The following SLC25A31 variants were observed in gnomAD, a reference collection of about 807,000 sequenced individuals.
The protein encoded by SLC25A31 is ADP/ATP translocase 4.
Under a neutral mutation model 36.2 loss-of-function variants are expected in SLC25A31, and 40 were observed. The ratio of observed to expected loss-of-function variants is 1.10; its 90% CI spans 0.86 to 1.44. The LOEUF is 1.44. Among genes scored for constraint, SLC25A31 ranks in the 40% most tolerant of loss-of-function variants. SLC25A31 has a pLI of 0.00. For missense variants in SLC25A31, 350 were observed against 397.1 expected (o/e 0.88, Z 1.01); for synonymous variants, 143 against 149.7 (o/e 0.96, Z 0.32).
intron 2 of SLC25A31, among the ~76,000 whole-genome samples, chr4:127,753,452 A>G (rs1731973730): frequency 6.6e-6 from 1 of 152,154 alleles, no homozygotes; most frequent in Admixed American, 6.5e-5. Flanking sequence ...TAAGTCTCAT[A>G]TAAATCAGAA....
intron 2 of SLC25A31, among the ~76,000 whole-genome samples, chr4:127,756,547 T>A (rs1377279987): frequency 6.6e-6 from 1 of 152,166 alleles, no homozygotes; most frequent in Non-Finnish European, 1.5e-5. Flanking sequence ...TTAATAATAA[T>A]GTATATTTCA....
intron 2 of SLC25A31, among the ~76,000 whole-genome samples, chr4:127,756,640 C>G (rs1404429639): frequency 6.6e-6 from 1 of 152,056 alleles, no homozygotes; most frequent in Non-Finnish European, 1.5e-5. Context: ...CTTGGCCACT[C>G]AACAATATAA....
At chr4:127,758,729 T>C (rs1333644359) in intron 2 of SLC25A31, among the ~76,000 whole-genome samples, 1 of 152,224 alleles carries the variant, frequency 6.6e-6, no homozygotes, top group Non-Finnish European at 1.5e-5. Flanking sequence ...GAATAGGGTG[T>C]CCTTTTCTTA....
chr4:127,770,785 G>A (rs571032207), intron 5 of SLC25A31, among the ~76,000 whole-genome samples: 1 of 151,974 alleles, frequency 6.6e-6, no homozygotes, highest in South Asian at 2.1e-4. Flanking sequence ...CCACAAAAGT[G>A]GTTTGCTTAA....
intron 5 of SLC25A31, among the ~76,000 whole-genome samples, chr4:127,772,824 T>A (rs1440340371): frequency 4.6e-5 from 7 of 150,914 alleles, no homozygotes; most frequent in African/African-American, 1.7e-4. Context: ...CCCTGTCACT[T>A]AGGCTAGAGT....
chr4:127,768,713 G>A, intron 4 of SLC25A31, 39 bp from the exon 5 acceptor site: 1 of 1,521,784 alleles, frequency 6.6e-7, no homozygotes, highest in Non-Finnish European at 8.8e-7. Flanking sequence ...AGATATTTTA[G>A]AAATTTGGAT....
intron 1 of SLC25A31, among the ~76,000 whole-genome samples, chr4:127,735,953 G>A (rs1250146759): frequency 2.1e-5 from 3 of 143,126 alleles, no homozygotes; most frequent in African/African-American, 5.1e-5. Context: ...GCAGTGGCGC[G>A]ATCTCGGCTC....
chr4:127,744,640 A>G (rs749576634), intron 1 of SLC25A31, 32 bp from the exon 2 acceptor site: 1 of 1,560,276 alleles, frequency 6.4e-7, no homozygotes, highest in South Asian at 1.2e-5. Flanking sequence ...AATACAATGT[A>G]GGTTTATGTA....
chr4:127,754,444 G>A (rs1731992410), intron 2 of SLC25A31, among the ~76,000 whole-genome samples: 1 of 151,512 alleles, frequency 6.6e-6, no homozygotes, highest in Non-Finnish European at 1.5e-5. Flanking sequence ...TAAAGTCACA[G>A]GATACAAAAT....
chr4:127,734,267 A>AT (rs954212746), intron 1 of SLC25A31, among the ~76,000 whole-genome samples: 3 of 152,156 alleles, frequency 2.0e-5, no homozygotes, highest in African/African-American at 7.2e-5. Flanking sequence ...TAGCCTTTTA[A>AT]AGAACTGATT....
At chr4:127,735,896 A>ATTTT (rs70966054) in intron 1 of SLC25A31, among the ~76,000 whole-genome samples, 1,175 of 74,582 alleles carry the variant, frequency 0.016, 28 homozygotes, top group Middle Eastern at 0.037. Context: ...TTATTTATTT[A>ATTTT]TTTTTTTTTT....
intron 5 of SLC25A31, among the ~76,000 whole-genome samples, chr4:127,771,046 TC>T (rs1732350218): frequency 7.0e-6 from 1 of 142,880 alleles, no homozygotes; most frequent in Non-Finnish European, 1.5e-5. Flanking sequence ...AACCTCTGCC[TC>T]CCAGGTTCTA....
At chr4:127,771,737 T>G (rs922809992) in intron 5 of SLC25A31, among the ~76,000 whole-genome samples, 2 of 151,888 alleles carry the variant, frequency 1.3e-5, no homozygotes, top group African/African-American at 2.4e-5. Flanking sequence ...ACTGTGGGGG[T>G]TTTTTGTCAT....
chr4:127,761,622 C>A (rs1008515787), intron 2 of SLC25A31, among the ~76,000 whole-genome samples: 1 of 152,008 alleles, frequency 6.6e-6, no homozygotes, highest in African/African-American at 2.4e-5. Flanking sequence ...TTTTCTTATT[C>A]CTTTAAATTC....
At chr4:127,768,641 T>A in intron 4 of SLC25A31, 111 bp from the exon 5 acceptor site, 2 of 869,754 alleles carry the variant, frequency 2.3e-6, no homozygotes, top group Admixed American at 7.2e-5. Context: ...TTATTGCATT[T>A]TAAGTATAAT....
intron 1 of SLC25A31, among the ~76,000 whole-genome samples, chr4:127,744,051 A>G (rs1414891325): frequency 6.6e-6 from 1 of 152,190 alleles, no homozygotes; most frequent in Non-Finnish European, 1.5e-5. Flanking sequence ...ACAATGAATT[A>G]TATGGGTTGG....
intron 2 of SLC25A31, among the ~76,000 whole-genome samples, chr4:127,760,258 C>T (rs1468502857): frequency 6.6e-6 from 1 of 152,100 alleles, no homozygotes; most frequent in Non-Finnish European, 1.5e-5. Flanking sequence ...AAAATTATCT[C>T]AAAATAAAAA....
chr4:127,766,051 A>G (rs1732234172), intron 3 of SLC25A31, among the ~76,000 whole-genome samples: 1 of 152,128 alleles, frequency 6.6e-6, no homozygotes, highest in African/African-American at 2.4e-5. Context: ...ATACTGGAAA[A>G]ATATGACCCC....
intron 1 of SLC25A31, among the ~76,000 whole-genome samples, chr4:127,731,744 A>G (rs1293939927): frequency 3.3e-5 from 5 of 152,052 alleles, no homozygotes; most frequent in Non-Finnish European, 4.4e-5. Context: ...TTTCAACTAG[A>G]GAGAGAGCTG....
Sources: allele counts gnomAD v4.1 joint callset (sites outside exome capture counted in the v4.1 genomes callset), GRCh38; gene constraint gnomAD v4.1.1; transcripts MANE v1.5; gene names NCBI Gene and HGNC (gene_info 2026-07-23, HGNC 2026-07-21).